PARP15: variants seen among roughly 807,000 people sequenced by gnomAD.
The protein encoded by PARP15 is protein mono-ADP-ribosyltransferase PARP15.
In PARP15, 50 loss-of-function variants were observed where a neutral mutation model predicts 62.1. The ratio of observed to expected loss-of-function variants is 0.81; its 90% CI spans 0.64 to 1.02. The LOEUF (loss-of-function observed/expected upper bound fraction) is 1.02. PARP15 is among the 50% of genes least tolerant of loss of function. PARP15 has a pLI of 0.00. For missense variants in PARP15, 820 were observed against 826.5 expected, an observed-to-expected ratio of 0.99 and a Z score of 0.10; for synonymous variants, 309 against 293.1, an observed-to-expected ratio of 1.05 and a Z score of -0.55.
chr3:122,607,339 A>G (rs907326177), intron 2 of PARP15, among the ~76,000 whole-genome samples: 2 of 152,202 alleles, frequency 1.3e-5, no homozygotes, highest in African/African-American at 2.4e-5. Context: ...GACCAACTCT[A>G]AAGTCAGTTC....
At chr3:122,608,206 CTCTTTTCTTTTTTT>C (rs1935297843) in intron 2 of PARP15, among the ~76,000 whole-genome samples, 1 of 144,980 alleles carries the variant, frequency 6.9e-6, no homozygotes, top group African/African-American at 2.6e-5. Context: ...TTTTTTCTTT[CTCTTTTCTTTTTTT>C]TTTTTTTTTT....
At chr3:122,596,013 G>A (rs920641053) in intron 1 of PARP15, among the ~76,000 whole-genome samples, 4 of 151,882 alleles carry the variant, frequency 2.6e-5, no homozygotes, top group African/African-American at 7.3e-5. Context: ...CTAAACTCCA[G>A]TATCTATGCT....
intron 4 of PARP15, chr3:122,614,928 G>A (rs1935838255): frequency 6.3e-6 from 2 of 315,260 alleles, no homozygotes; most frequent in African/African-American, 2.3e-5. Context: ...TACTTGGGAG[G>A]CTGAGGTGGG....
At chr3:122,599,288 T>C (rs1934601815) in intron 1 of PARP15, among the ~76,000 whole-genome samples, 1 of 152,130 alleles carries the variant, frequency 6.6e-6, no homozygotes, top group Non-Finnish European at 1.5e-5. Context: ...GGAAGATCAC[T>C]TGAGCCCAGG....
rs1243206245 is a variant in PARP15 at position 122,635,801 on chromosome 3, C to T, written c.1748-10C>T. The T allele has an allele frequency of 1.2e-6, 2 of 1,601,436 alleles. No individual in the cohort carries two copies. Among genetic ancestry groups the T allele is most frequent in the Admixed American group, 1.7e-5 (1 of 57,702 alleles). ...TATTCTTAGGAAGGTTTTTGTCTTTCTCTTTCCAGCTGTATCCTATGGAAA... is the reference window on the plus strand; with the variant it reads ...TATTCTTAGGAAGGTTTTTGTCTTTTTCTTTCCAGCTGTATCCTATGGAAA... On this transcript the variant is annotated splice_polypyrimidine_tract_variant and intron_variant, in intron 11 of 11. Transcript: ENST00000464300.
At chr3:122,607,821 A>G (rs1279900307) in intron 2 of PARP15, among the ~76,000 whole-genome samples, 1 of 152,054 alleles carries the variant, frequency 6.6e-6, no homozygotes, top group Non-Finnish European at 1.5e-5. Context: ...CCAAGCCCTA[A>G]TAAGCCCTCT....
intron 1 of PARP15, among the ~76,000 whole-genome samples, chr3:122,598,428 A>G (rs1294817252): frequency 1.3e-5 from 2 of 152,094 alleles, no homozygotes; most frequent in African/African-American, 2.4e-5. Context: ...CTGCGACTGG[A>G]GAGTCTGCTT....
intron 1 of PARP15, among the ~76,000 whole-genome samples, chr3:122,596,033 G>A (rs946288687): frequency 6.6e-6 from 1 of 151,880 alleles, no homozygotes; most frequent in Non-Finnish European, 1.5e-5. Context: ...TCATTGCCCA[G>A]AAGACTTCCA....
intron 1 of PARP15, among the ~76,000 whole-genome samples, chr3:122,585,635 A>G (rs2071783907): frequency 6.6e-6 from 1 of 152,202 alleles, no homozygotes; most frequent in African/African-American, 2.4e-5. Flanking sequence ...ATGGCAACTG[A>G]AAAACAACTT....
rs1051337201 is a variant in PARP15, at chr3:122,610,397, A to G, written c.307-97A>G. The G allele has an allele frequency of 4.5e-6, 5 of 1,123,374 alleles. No homozygotes were observed. The South Asian group carries it at 6.5e-5, about 15-fold the overall frequency. 69.6% of individuals were successfully genotyped at this position (1,123,374 alleles called of 1,614,324 possible). ...GACATGTTAGTATGACAGGCAAAAC[A>G]TATCTGTACATTACCCCACAATACT... is the stretch of plus-strand genomic sequence containing the variant. On this transcript the variant is annotated intron_variant, in intron 2 of 11. Transcript: ENST00000464300.
intron 1 of PARP15, among the ~76,000 whole-genome samples, chr3:122,593,634 T>C (rs2107483959): frequency 6.6e-6 from 1 of 152,346 alleles, no homozygotes; most frequent in East Asian, 1.9e-4. Context: ...ATGATACTAA[T>C]GTATAGGACA....
chr3:122,619,737 T>G (rs142789163), intron 6 of PARP15, 44 bp from the exon 7 acceptor site: 2 of 1,485,462 alleles, frequency 1.3e-6, no homozygotes, highest in Non-Finnish European at 1.9e-6. Flanking sequence ...AACCACTTAT[T>G]GAATTCTAAC....
intron 6 of PARP15, 103 bp downstream of exon 6, chr3:122,617,267 A>G: frequency 8.1e-7 from 1 of 1,239,102 alleles, no homozygotes; most frequent in Non-Finnish European, 1.1e-6. Flanking sequence ...TGTTGTAGAA[A>G]ATATGTGGTC....
chr3:122,593,084 T>C (rs1934049783), intron 1 of PARP15, among the ~76,000 whole-genome samples: 1 of 63,986 alleles, frequency 1.6e-5, no homozygotes. Flanking sequence ...AAAGATAAAA[T>C]TATCTGTCTA....
chr3:122,584,779 C>T (rs1472816228), intron 1 of PARP15, among the ~76,000 whole-genome samples: 3 of 152,000 alleles, frequency 2.0e-5, no homozygotes, highest in Non-Finnish European at 4.4e-5. Context: ...CGTTTCACCA[C>T]GTTGGTCAGG....
At position 122,606,019 on chromosome 3, in the gene PARP15, T is replaced by A. The variant is rs1419167032; in HGVS notation, c.270T>A (p.Asn90Lys). Reference sequence around the variant, plus strand: ...CAATCCAAACCAAAGAAGGTCTGAATCTCAAGTTGATAAGTGGAGATGTTC... The same window carrying A: ...CAATCCAAACCAAAGAAGGTCTGAAACTCAAGTTGATAAGTGGAGATGTTC... The part of the protein sequence containing the change: ...VASIQTKEGL[N>K]LKLISGDVLY... Residue 90 changes from asparagine (N) to lysine (K), a missense_variant, in exon 2 of 12, where the codon AAT becomes AAA. By Grantham distance (94) the Asn-to-Lys change is moderately conservative. Around this residue, in one of 3 missense-constraint regions of PARP15, gnomAD observed 731 missense variants for 727.7 expected, o/e 1.00. Transcript: ENST00000464300. 1 of 1,552,082 alleles carries A rather than the reference T, an allele frequency of 6.4e-7. No homozygotes were observed. Among genetic ancestry groups the A allele is most frequent in the East Asian group, 2.4e-5 (1 of 40,928 alleles).
intron 9 of PARP15, among the ~76,000 whole-genome samples, chr3:122,627,814 T>C (rs1936828687): frequency 6.6e-6 from 1 of 152,252 alleles, no homozygotes; most frequent in South Asian, 2.1e-4. Flanking sequence ...GCATTCTCCT[T>C]GGTGTGCTAC....
chr3:122,595,373 T>TCAAAGTCACAAATGATCTCCACTTTGC (rs1432921067), intron 1 of PARP15, among the ~76,000 whole-genome samples: 5 of 152,000 alleles, frequency 3.3e-5, no homozygotes, highest in Admixed American at 3.3e-4. Context: ...GCTGTTCTTG[T>TCAAAGTCACAAATGATCTCCACTTTGC]CAAAGTCACA....
intron 8 of PARP15, among the ~76,000 whole-genome samples, chr3:122,623,074 G>T (rs181722870): frequency 1.3e-5 from 2 of 152,268 alleles, no homozygotes; most frequent in South Asian, 4.1e-4. Context: ...TCCACACACC[G>T]ATAACCTTTT....
Sources: allele counts gnomAD v4.1 joint callset (sites outside exome capture counted in the v4.1 genomes callset), GRCh38; gene constraint gnomAD v4.1.1; regional missense constraint gnomAD v4.1.1; transcripts MANE v1.5; gene names NCBI Gene and HGNC (gene_info 2026-07-23, HGNC 2026-07-21).